NTM: variants seen among roughly 807,000 people sequenced by gnomAD.
The protein encoded by NTM is neurotrimin.
A neutral mutation model predicts 42.1 loss-of-function variants in NTM; 13 were observed. The observed-to-expected ratio is 0.31, with a 90% CI of 0.20 to 0.49. The LOEUF (loss-of-function observed/expected upper bound fraction) is 0.49, where lower values mean the gene tolerates loss of function less well. NTM is among the 20% of genes least tolerant of loss of function. NTM has a pLI of 0.99. For missense variants in NTM, 373 were observed against 452.8 expected, an observed-to-expected ratio of 0.82 and a Z score of 1.60; for synonymous variants, 187 against 179.2, an observed-to-expected ratio of 1.04 and a Z score of -0.35.
intron 1 of NTM, among the ~76,000 whole-genome samples, chr11:131,444,119 G>A (rs1273137617): frequency 6.9e-6 from 1 of 143,978 alleles, no homozygotes; most frequent in Non-Finnish European, 1.5e-5. Flanking sequence ...AATGAGAATA[G>A]TTGAGAGTTG....
chr11:131,498,331 T>A (rs1241054064), intron 1 of NTM, among the ~76,000 whole-genome samples: 1 of 152,118 alleles, frequency 6.6e-6, no homozygotes, highest in African/African-American at 2.4e-5. Flanking sequence ...CCTTCCAGAG[T>A]GGCTGGGAAG....
rs539299134 is a variant in NTM, at chr11:131,623,467, A to G, written c.82+252579A>G. ...GATGCCATGCTGTCCACCGAATTCC[A>G]TTTTATACCAAATCATGTTAGAGAG... On this transcript the variant is annotated intron_variant, in intron 1 of 8. Coordinates refer to ENST00000683400, the MANE Select transcript of NTM (RefSeq NM_001352005.2). Among the ~76,000 whole-genome samples, 22 of 152,336 alleles carry G rather than the reference A, an allele frequency of 1.4e-4. No individual in the cohort carries two copies. The South Asian group carries it at 4.6e-3, about 32-fold the overall frequency.
chr11:132,050,098 A>G (rs964919937), intron 2 of NTM, among the ~76,000 whole-genome samples: 3 of 152,200 alleles, frequency 2.0e-5, no homozygotes, highest in Non-Finnish European at 4.4e-5. Flanking sequence ...CACTGGCAGC[A>G]TGACACAGTT....
rs141644331 is a variant in NTM at position 131,602,989 on chromosome 11, T to C, written c.82+232101T>C. Among the ~76,000 whole-genome samples, 74 of 152,310 alleles carry C rather than the reference T, an allele frequency of 4.9e-4. No individual in the cohort carries two copies. In the East Asian group the frequency reaches 0.014, roughly 28 times the overall value. On this transcript the variant is annotated intron_variant, in intron 1 of 8. Coordinates refer to ENST00000683400, the MANE Select transcript of NTM (RefSeq NM_001352005.2). ...CTGCCATCTTAGTTCAAGACACAAA[T>C]GTATTTCTATCCAGCAACTAACCAG...
chr11:131,522,353 C>CAGAAAAA (rs1565596304), intron 1 of NTM, among the ~76,000 whole-genome samples: 1 of 147,724 alleles, frequency 6.8e-6, no homozygotes, highest in Admixed American at 6.8e-5. Flanking sequence ...TGCAGAACAA[C>CAGAAAAA]AAGAAAAAAA....
chr11:132,102,144 C>G (rs1466816389), intron 2 of NTM, among the ~76,000 whole-genome samples: 2 of 152,198 alleles, frequency 1.3e-5, no homozygotes, highest in African/African-American at 4.8e-5. Context: ...TTCAGGAATT[C>G]ATTCAGATGG....
At chr11:132,005,780 C>T (rs183121092) in intron 2 of NTM, among the ~76,000 whole-genome samples, 51 of 152,284 alleles carry the variant, frequency 3.3e-4, no homozygotes, top group Non-Finnish European at 6.2e-4. Context: ...TCACCTGCAT[C>T]TGCCCACAGC....
At chr11:131,511,951 A>G (rs953678301) in intron 1 of NTM, among the ~76,000 whole-genome samples, 11 of 152,090 alleles carry the variant, frequency 7.2e-5, no homozygotes, top group Admixed American at 1.3e-4. Context: ...CCCCTATTCT[A>G]TGGTCCAGAA....
At chr11:131,576,837 G>A (rs866593414) in intron 1 of NTM, among the ~76,000 whole-genome samples, 1 of 152,210 alleles carries the variant, frequency 6.6e-6, no homozygotes, top group Non-Finnish European at 1.5e-5. Flanking sequence ...TTCTTACTGT[G>A]TGACCCTGAG....
At chr11:132,207,251 G>A (rs1011256810) in intron 3 of NTM, among the ~76,000 whole-genome samples, 8 of 152,090 alleles carry the variant, frequency 5.3e-5, no homozygotes, top group Admixed American at 2.0e-4. Context: ...TGGCAATACC[G>A]CCTGAGCTCT....
chr11:131,401,818 A>ATATATATATATATATGTGTG lies in NTM; in HGVS notation c.82+30945_82+30946insGTGTGTATATATATATATAT, dbSNP rs1565465284. Among the ~76,000 whole-genome samples, 4 of 43,004 alleles carry ATATATATATATATATGTGTG rather than the reference A, an allele frequency of 9.3e-5. 1 individual carries two copies. The highest frequency in any genetic ancestry group is 3.5e-4 in the African/African-American group (3 of 8,540). 28.2% of individuals were successfully genotyped at this position (43,004 alleles called of 152,430 possible). A position where few individuals can be genotyped will look rare whatever the true frequency, so the allele number is the denominator to read the frequency against. On this transcript the variant is annotated intron_variant, in intron 1 of 8. Coordinates refer to ENST00000683400, the MANE Select transcript of NTM (RefSeq NM_001352005.2). ...ACTGGAAATATATATATATATATAT[A>ATATATATATATATATGTGTG]TATATATATATATATATATATATAT... is the stretch of plus-strand genomic sequence containing the variant.
chr11:132,223,403 A>T (rs1380718306), intron 4 of NTM, among the ~76,000 whole-genome samples: 1 of 152,206 alleles, frequency 6.6e-6, no homozygotes, highest in Non-Finnish European at 1.5e-5. Flanking sequence ...ATTCATTAAG[A>T]AGATACCTCA....
chr11:131,540,274 C>G (rs1217281670), intron 1 of NTM, among the ~76,000 whole-genome samples: 1 of 148,312 alleles, frequency 6.7e-6, no homozygotes, highest in South Asian at 2.2e-4. Flanking sequence ...AACTGATTCT[C>G]CTGCCTCAAC....
intron 2 of NTM, chr11:131,984,662 C>T (rs901645230): frequency 6.6e-6 from 1 of 152,142 alleles, no homozygotes; most frequent in Non-Finnish European, 1.5e-5. Flanking sequence ...TTTACAGTTC[C>T]AGGCTCTTTT....
chr11:131,492,148 G>C (rs1027024187), intron 1 of NTM, among the ~76,000 whole-genome samples: 2 of 152,136 alleles, frequency 1.3e-5, no homozygotes, highest in Non-Finnish European at 2.9e-5. Flanking sequence ...TCACACCTTT[G>C]CATTTGTATA....
intron 1 of NTM, among the ~76,000 whole-genome samples, chr11:131,860,935 T>A (rs993115464): frequency 6.6e-6 from 1 of 152,218 alleles, no homozygotes; most frequent in Non-Finnish European, 1.5e-5. Context: ...ACTGGGCACC[T>A]CCTTGTGAGC....
chr11:131,704,802 G>T (rs114384120), intron 1 of NTM, among the ~76,000 whole-genome samples: 3 of 152,214 alleles, frequency 2.0e-5, no homozygotes, highest in East Asian at 3.9e-4. Flanking sequence ...ACAGAAATCC[G>T]GAGATGAAGA....
chr11:131,622,425 C>T (rs774773175), intron 1 of NTM, among the ~76,000 whole-genome samples: 2 of 152,192 alleles, frequency 1.3e-5, no homozygotes, highest in Non-Finnish European at 2.9e-5. Flanking sequence ...CATTTGTATG[C>T]TCCGTGTCGC....
At chr11:131,770,762 A>G (rs1338326118) in intron 1 of NTM, 1 of 152,136 alleles carries the variant, frequency 6.6e-6, no homozygotes, top group Admixed American at 6.5e-5. Context: ...TTTGCTTTAC[A>G]GTTTCAACGT....
Sources: gnomAD v4.1 joint callset for allele counts (sites outside exome capture counted in the v4.1 genomes callset) on GRCh38, gnomAD v4.1.1 for gene constraint, MANE v1.5 for transcripts, NCBI Gene and HGNC (gene_info 2026-07-23, HGNC 2026-07-21) for gene names.